Variants in FBXL17 observed in about 807,000 individuals in gnomAD.
FBXL17 encodes the protein F-box/LRR-repeat protein 17.
FBXL17 carries 22 observed loss-of-function variants against 66.2 expected under a neutral mutation model. The ratio of observed to expected loss-of-function variants is 0.33; its 90% CI spans 0.24 to 0.47. The LOEUF (loss-of-function observed/expected upper bound fraction) is 0.47, where lower values mean the gene tolerates loss of function less well. Ranked by LOEUF, FBXL17 falls within the 20% of genes least tolerant of loss-of-function variation. FBXL17 has a pLI of 1.00. For missense variants in FBXL17, 878 were observed against 948.2 expected (o/e 0.93, Z 0.97); for synonymous variants, 474 against 400.5 (o/e 1.18, Z -2.19).
At chr5:108,282,537 C>T (rs543421831) in intron 4 of FBXL17, among the ~76,000 whole-genome samples, 37 of 151,502 alleles carry the variant, frequency 2.4e-4, no homozygotes, top group Non-Finnish European at 3.4e-4. Context: ...AGGCTATATA[C>T]GACAAAACCA....
intron 3 of FBXL17, among the ~76,000 whole-genome samples, chr5:108,358,624 C>T (rs889928485): frequency 2.1e-4 from 32 of 152,076 alleles, no homozygotes; most frequent in African/African-American, 7.7e-4. Context: ...GTTAAAGATA[C>T]TTGTCTGTAG....
chr5:107,936,877 G>C (rs1433958703), intron 7 of FBXL17, among the ~76,000 whole-genome samples: 2 of 151,982 alleles, frequency 1.3e-5, no homozygotes, highest in African/African-American at 2.4e-5. Flanking sequence ...AAGATGAACA[G>C]CTTTACCCAC....
intron 5 of FBXL17, among the ~76,000 whole-genome samples, chr5:108,210,670 G>C (rs1290398494): frequency 6.6e-6 from 1 of 152,190 alleles, no homozygotes; most frequent in Non-Finnish European, 1.5e-5. Flanking sequence ...ACTGTGGTGT[G>C]AGAGACTCTT....
chr5:108,195,320 G>T (rs1032707267), intron 5 of FBXL17, among the ~76,000 whole-genome samples: 2 of 152,092 alleles, frequency 1.3e-5, no homozygotes, highest in East Asian at 3.9e-4. Flanking sequence ...TGATATTTGC[G>T]CAAAGATTTA....
At chr5:108,162,465 G>C (rs1204386064) in intron 6 of FBXL17, among the ~76,000 whole-genome samples, 1 of 152,132 alleles carries the variant, frequency 6.6e-6, no homozygotes, top group Non-Finnish European at 1.5e-5. Flanking sequence ...ACTCCAACCT[G>C]GGTGACAGAG....
At chr5:108,071,939 A>G (rs1301751063) in intron 6 of FBXL17, among the ~76,000 whole-genome samples, 3 of 152,146 alleles carry the variant, frequency 2.0e-5, no homozygotes, top group Non-Finnish European at 4.4e-5. Flanking sequence ...AATATGCCAA[A>G]TAATTCCTTC....
At chr5:108,188,027 T>G (rs1753309253) in intron 5 of FBXL17, among the ~76,000 whole-genome samples, 2 of 152,212 alleles carry the variant, frequency 1.3e-5, no homozygotes, top group African/African-American at 4.8e-5. Context: ...ACCTGAACTT[T>G]TAATTTTATT....
intron 6 of FBXL17, among the ~76,000 whole-genome samples, chr5:108,045,423 T>C (rs373720459): frequency 1.8e-4 from 28 of 151,932 alleles, no homozygotes; most frequent in Admixed American, 7.9e-4. Context: ...GCCTGGGCGA[T>C]AGAGCAAGAC....
chr5:108,100,527 C>T (rs1438641075), intron 6 of FBXL17, among the ~76,000 whole-genome samples: 1 of 152,116 alleles, frequency 6.6e-6, no homozygotes, highest in African/African-American at 2.4e-5. Context: ...ATTTTAAATA[C>T]TTGCATAATG....
intron 7 of FBXL17, 128 bp from the exon 8 acceptor site, chr5:107,881,307 T>C (rs1748783241): frequency 2.2e-5 from 12 of 544,764 alleles, no homozygotes; most frequent in Admixed American, 1.3e-4. Context: ...GAACGTTTTA[T>C]AAACTAAACT....
chr5:107,916,408 C>A (rs1750136398), intron 7 of FBXL17, among the ~76,000 whole-genome samples: 1 of 152,156 alleles, frequency 6.6e-6, no homozygotes, highest in African/African-American at 2.4e-5. Context: ...ACCCCATGTA[C>A]TCTAATGTCT....
At chr5:107,973,411 A>C (rs912539951) in intron 7 of FBXL17, among the ~76,000 whole-genome samples, 1 of 70,528 alleles carries the variant, frequency 1.4e-5, no homozygotes. Context: ...AGTGTATTTT[A>C]TGTGTGGCCC....
At chr5:108,044,685 T>C (rs1326881739) in intron 6 of FBXL17, among the ~76,000 whole-genome samples, 17 of 152,188 alleles carry the variant, frequency 1.1e-4, no homozygotes, top group African/African-American at 4.1e-4. Context: ...TGTTCTAGTT[T>C]CTGGAAAATA....
intron 6 of FBXL17, among the ~76,000 whole-genome samples, chr5:108,033,611 A>T (rs958021524): frequency 6.6e-6 from 1 of 152,190 alleles, no homozygotes; most frequent in Non-Finnish European, 1.5e-5. Context: ...CCTAAAAGTG[A>T]AATTGCAGAG....
intron 4 of FBXL17, among the ~76,000 whole-genome samples, chr5:108,338,642 T>TGC (rs1451398170): frequency 1.3e-5 from 2 of 152,038 alleles, no homozygotes; most frequent in African/African-American, 4.8e-5. Context: ...ACAACTAAGA[T>TGC]GCAAGAGAAG....
chr5:108,154,531 G>A (rs13153344), intron 6 of FBXL17, among the ~76,000 whole-genome samples: 42,921 of 143,626 alleles, frequency 0.3, 7,728 homozygotes, highest in Admixed American at 0.4. Flanking sequence ...CGGAGGTTGC[G>A]GTGAGCCAAG....
chr5:107,960,223 T>C (rs1268892013), intron 7 of FBXL17, among the ~76,000 whole-genome samples: 1 of 152,186 alleles, frequency 6.6e-6, no homozygotes, highest in African/African-American at 2.4e-5. Context: ...TACTCATTCA[T>C]CTACTCTTTC....
chr5:108,263,026 T>C (rs1402516803), intron 4 of FBXL17, among the ~76,000 whole-genome samples: 1 of 152,198 alleles, frequency 6.6e-6, no homozygotes, highest in Non-Finnish European at 1.5e-5. Context: ...AAATAAATTT[T>C]CAGTTTTTAA....
At chr5:108,368,036 T>C in intron 1 of FBXL17, 83 bp from the exon 2 acceptor site, 11 of 1,322,312 alleles carry the variant, frequency 8.3e-6, no homozygotes, top group Non-Finnish European at 1.1e-5. Context: ...TAGAAAAAGT[T>C]AACTTTGTAA....
Sources: allele counts gnomAD v4.1 joint callset (sites outside exome capture counted in the v4.1 genomes callset), GRCh38; gene constraint gnomAD v4.1.1; transcripts MANE v1.5; gene names NCBI Gene and HGNC (gene_info 2026-07-23, HGNC 2026-07-21).